The following GALNT8 variants were observed in gnomAD, a reference collection of about 807,000 sequenced individuals.
The protein encoded by GALNT8 is polypeptide N-acetylgalactosaminyltransferase 8, also known as probable polypeptide N-acetylgalactosaminyltransferase 8.
In GALNT8, 66 loss-of-function variants were observed where a neutral mutation model predicts 62.7. The ratio of observed to expected loss-of-function variants is 1.05; its 90% CI spans 0.86 to 1.29. The LOEUF (loss-of-function observed/expected upper bound fraction) is 1.29, where lower values mean the gene tolerates loss of function less well. Among genes scored for constraint, GALNT8 ranks in the 50% most tolerant of loss-of-function variants. GALNT8 has a pLI of 0.00. For missense variants in GALNT8, 771 were observed against 791.8 expected (o/e 0.97, Z 0.32); for synonymous variants, 288 against 294.3 (o/e 0.98, Z 0.22).
At chr12:4,743,921 A>C (rs1946283437) in intron 3 of GALNT8, among the ~76,000 whole-genome samples, 1 of 152,228 alleles carries the variant, frequency 6.6e-6, no homozygotes, top group Non-Finnish European at 1.5e-5. Context: ...CTTTATTAAA[A>C]GAGAGGGAAG....
Position 4,744,574 on chromosome 12 carries a change from G to T in GALNT8, c.734G>T (p.Gly245Val), listed in dbSNP as rs34687270. ...KIKLYNQKYPGLLKIIRHPER... is the reference protein window; with the variant it reads ...KIKLYNQKYPVLLKIIRHPER... ...AAGCTTTACAACCAGAAGTATCCAG[G>T]ACTACTGAAAATAATACGGCATCCT... is the stretch of plus-strand genomic sequence containing the variant. Residue 245 changes from glycine (G) to valine (V), a missense_variant, in exon 4 of 11, where the codon GGA (glycine) becomes GTA (valine). Physicochemically the swap from Gly to Val is moderately radical, Grantham distance 109 (BLOSUM62 -3). Coordinates refer to ENST00000252318, the MANE Select transcript of GALNT8 (RefSeq NM_017417.2). 6.2e-7 allele frequency: 1 copy of T among 1,612,938 alleles called. No individual in the cohort carries two copies. Among genetic ancestry groups the T allele is most frequent in the African/African-American group, 1.3e-5 (1 of 75,004 alleles).
chr12:4,746,031 A>G (rs1415451404), intron 5 of GALNT8, 113 bp from the exon 6 acceptor site: 1 of 654,268 alleles, frequency 1.5e-6, no homozygotes, highest in East Asian at 2.7e-5. Context: ...GAAGGCCTTC[A>G]TGATAAGAAC....
At chr12:4,767,040 T>C (rs1323889346) in intron 10 of GALNT8, among the ~76,000 whole-genome samples, 1 of 151,926 alleles carries the variant, frequency 6.6e-6, no homozygotes, top group Non-Finnish European at 1.5e-5. Flanking sequence ...TGGAACTACA[T>C]GTAATTCAGT....
chr12:4,735,086 A>T (rs1946238622), intron 2 of GALNT8, among the ~76,000 whole-genome samples: 2 of 152,212 alleles, frequency 1.3e-5, no homozygotes, highest in African/African-American at 4.8e-5. Context: ...GAGAGACAAG[A>T]AATCTGGATT....
chr12:4,726,773 G>A lies in GALNT8; in HGVS notation c.453G>A (p.Ala151=). ...TCTTCCGGAAGTTTGGTTACAACGC[G>A]TACCTCAGCAACCAGCTGCCTCTCA... The part of the protein sequence containing the change: ...QDLFRKFGYN[A]YLSNQLPLNR... The change falls in exon 2 of 11, where the codon GCG becomes GCA. Residue 151 remains alanine, a synonymous_variant. Coordinates refer to ENST00000252318, the MANE Select transcript of GALNT8 (RefSeq NM_017417.2). The surrounding 1 kb of genome is among the most constrained non-coding windows in gnomAD (Gnocchi z 4.1). The A allele has an allele frequency of 1.9e-6, 3 of 1,613,996 alleles. No individual in the cohort carries two copies. The highest frequency in any genetic ancestry group is 1.7e-6 in the Non-Finnish European group (2 of 1,180,008).
intron 6 of GALNT8, among the ~76,000 whole-genome samples, chr12:4,746,486 G>A (rs1946300671): frequency 6.6e-6 from 1 of 152,158 alleles, no homozygotes; most frequent in South Asian, 2.1e-4. Flanking sequence ...AAGGGGTCAA[G>A]TTGGGATTGA....
intron 4 of GALNT8, among the ~76,000 whole-genome samples, chr12:4,745,223 G>A (rs1282000784): frequency 6.6e-6 from 1 of 152,144 alleles, no homozygotes; most frequent in Non-Finnish European, 1.5e-5. Flanking sequence ...ACCTGTTCTC[G>A]ATGCGGGTTG....
intron 1 of GALNT8, among the ~76,000 whole-genome samples, chr12:4,722,385 T>C (rs1332917619): frequency 6.6e-6 from 1 of 152,220 alleles, no homozygotes; most frequent in African/African-American, 2.4e-5. Context: ...CAGCCTCAGG[T>C]TCCTGGTCTG....
intron 8 of GALNT8, 69 bp from the exon 9 acceptor site, chr12:4,763,883 C>T: frequency 1.2e-6 from 1 of 830,206 alleles, no homozygotes; most frequent in Non-Finnish European, 2.1e-6. Context: ...AAAATGTAGG[C>T]CCTGGGAGGG....
intron 2 of GALNT8, among the ~76,000 whole-genome samples, chr12:4,730,830 T>C (rs563644739): frequency 6.6e-6 from 1 of 152,158 alleles, no homozygotes; most frequent in East Asian, 1.9e-4. Context: ...CAGTATTAAT[T>C]CTTCCAACCC....
In GALNT8 at chr12:4,726,193, C is replaced by G. The variant is rs141796305; in HGVS notation, c.212-339C>G. Reference sequence around the variant, plus strand: ...AAAAAAAAATCACAACTGATTGATTCTGATGTAAGTGGTTCTCAGGCCTCA... The same window carrying G: ...AAAAAAAAATCACAACTGATTGATTGTGATGTAAGTGGTTCTCAGGCCTCA... On this transcript the variant is annotated intron_variant, in intron 1 of 10. Transcript: ENST00000252318. This position sits in a 1 kb window ranked among gnomAD's most constrained non-coding sequence, Gnocchi z 4.1. 0.012 allele frequency among the ~76,000 whole-genome samples: 1,878 copies of G among 152,152 alleles called. 40 individuals carry two copies. Among genetic ancestry groups the G allele is most frequent in the African/African-American group, 0.043 (1,804 of 41,476 alleles).
At chr12:4,763,813 G>C in intron 8 of GALNT8, 139 bp from the exon 9 acceptor site, 1 of 645,010 alleles carries the variant, frequency 1.6e-6, no homozygotes, top group Non-Finnish European at 2.8e-6. Flanking sequence ...AATGCCTGCC[G>C]GGATCCCAGC....
At chr12:4,756,308 C>T (rs1263867751) in intron 6 of GALNT8, among the ~76,000 whole-genome samples, 1 of 152,170 alleles carries the variant, frequency 6.6e-6, no homozygotes, top group Admixed American at 6.5e-5. Context: ...CGAAATTACA[C>T]AGGTGTTGGA....
intron 3 of GALNT8, among the ~76,000 whole-genome samples, chr12:4,739,655 TTTTC>T (rs1946262649): frequency 6.6e-6 from 1 of 151,332 alleles, no homozygotes; most frequent in African/African-American, 2.4e-5. Context: ...CTTTTTTTTT[TTTTC>T]TTTTTCTTTT....
intron 1 of GALNT8, among the ~76,000 whole-genome samples, chr12:4,725,003 A>G (rs550019617): frequency 1.3e-5 from 2 of 152,308 alleles, no homozygotes; most frequent in South Asian, 4.2e-4. Flanking sequence ...AGTTGCAATC[A>G]TTCAGAAAAA....
At chr12:4,760,106 G>A (rs138941414) in intron 6 of GALNT8, among the ~76,000 whole-genome samples, 1 of 152,314 alleles carries the variant, frequency 6.6e-6, no homozygotes, top group Non-Finnish European at 1.5e-5. Context: ...GCGGGTCAGA[G>A]GTCCATGCAC....
chr12:4,727,180 T>C (rs1946200182), intron 2 of GALNT8, among the ~76,000 whole-genome samples: 1 of 152,148 alleles, frequency 6.6e-6, no homozygotes, highest in Non-Finnish European at 1.5e-5. Context: ...CCAGTAGCTC[T>C]ACCTCCTTTC....
chr12:4,762,455 T>C (rs556056968), intron 7 of GALNT8, among the ~76,000 whole-genome samples: 7 of 152,366 alleles, frequency 4.6e-5, no homozygotes, highest in Non-Finnish European at 1.0e-4. Context: ...AAAAGTCTCT[T>C]TTAATCTCCA....
intron 10 of GALNT8, among the ~76,000 whole-genome samples, chr12:4,770,909 G>C (rs934408712): frequency 2.0e-5 from 3 of 152,182 alleles, no homozygotes; most frequent in African/African-American, 4.8e-5. Context: ...TCTGCAAAGA[G>C]GGAGAAATAA....
Sources: gnomAD v4.1 joint callset for allele counts (sites outside exome capture counted in the v4.1 genomes callset) on GRCh38, gnomAD v4.1.1 for gene constraint, Gnocchi (gnomAD v3.1) non-coding constraint, MANE v1.5 for transcripts, NCBI Gene and HGNC (gene_info 2026-07-23, HGNC 2026-07-21) for gene names.